MYT1: variants seen among roughly 807,000 people sequenced by gnomAD.
MYT1 encodes the protein myelin transcription factor 1.
A neutral mutation model predicts 123.0 loss-of-function variants in MYT1; 23 were observed. The ratio of observed to expected loss-of-function variants is 0.19; its 90% confidence interval spans 0.13 to 0.26. The LOEUF (loss-of-function observed/expected upper bound fraction) is 0.26, where lower values mean the gene tolerates loss of function less well. Among genes scored for constraint, MYT1 ranks in the 10% least tolerant of loss-of-function variants. The probability of loss-of-function intolerance (pLI) is 1.00; values close to 1 mark genes in which losing one functional copy is unlikely to be tolerated. For missense variants in MYT1, 1,125 were observed against 1,472.5 expected, an observed-to-expected ratio of 0.76 and a Z score of 3.86; for synonymous variants, 518 against 575.3, an observed-to-expected ratio of 0.90 and a Z score of 1.43.
rs533693872 is a variant in MYT1 at position 64,233,510 on chromosome 20, C to T, written c.2897+1125C>T. On this transcript the variant is annotated intron_variant, in intron 19 of 22. Transcript: ENST00000328439. ...CTTCCCCTCCCCTCCCTTTTCCCTT[C>T]CTTCCTCCATCTACAAGATTAATTA... Among the ~76,000 whole-genome samples, 70 of 99,646 alleles carry T rather than the reference C, an allele frequency of 7.0e-4. 1 individual carries two copies. The highest frequency in any genetic ancestry group is 1.3e-3 in the Non-Finnish European group (64 of 50,894). The allele number at this position is 99,646 out of a possible 152,430, so 65.4% of individuals were successfully genotyped here. A position where few individuals can be genotyped will look rare whatever the true frequency, so the allele number is the denominator to read the frequency against.
At position 64,241,527 on chromosome 20, in the gene MYT1, T is replaced by C. The variant is rs1300811979; in HGVS notation, c.*1079T>C. The C allele has an allele frequency of 1.3e-5, 2 of 152,596 alleles. No individual in the cohort carries two copies. The highest frequency in any genetic ancestry group is 2.9e-5 in the Non-Finnish European group (2 of 68,034). 9.5% of individuals were successfully genotyped at this position (152,596 alleles called of 1,614,324 possible). On this transcript the variant is annotated 3_prime_UTR_variant, in exon 23 of 23. Transcript: ENST00000328439. This position sits in a 1 kb window ranked among gnomAD's most constrained non-coding sequence, Gnocchi z 4.2. ...GCACTTCCTGGAAAAAATTAAAAAG[T>C]AGTTAGTTTAATTATTCTGTAAATT...
chr20:64,212,115 C>G lies in MYT1; in HGVS notation c.1494C>G (p.Asn498Lys). The G allele has an allele frequency of 6.2e-7, 1 of 1,613,114 alleles. No homozygotes were observed. The highest frequency in any genetic ancestry group is 8.5e-7 in the Non-Finnish European group (1 of 1,179,650). Residue 498 changes from asparagine to lysine, a missense_variant, in exon 9 of 23, where the codon AAC becomes AAG. This residue lies in a region of MYT1 where 429 missense variants were observed against 604.1 expected (regional missense o/e 0.71). Transcript: ENST00000328439. This position sits in a 1 kb window ranked among gnomAD's most constrained non-coding sequence, Gnocchi z 6.8. Reference protein sequence around the residue: ...TPGCTGQGHVNSNRNTHRSLS... With the variant: ...TPGCTGQGHVKSNRNTHRSLS... ...GCTGCACAGGCCAGGGTCACGTGAA[C>G]AGCAACCGCAACACGCACAGAAGGT...
intron 1 of MYT1, among the ~76,000 whole-genome samples, chr20:64,170,735 T>A (rs915161717): frequency 1.3e-5 from 2 of 150,530 alleles, no homozygotes; most frequent in African/African-American, 4.9e-5. Flanking sequence ...CCACGAAGGC[T>A]GTGCCCAACC....
intron 1 of MYT1, among the ~76,000 whole-genome samples, chr20:64,187,088 C>T (rs1184239560): frequency 8.0e-5 from 12 of 150,016 alleles, no homozygotes; most frequent in East Asian, 2.0e-4. Context: ...CCCGTGGCCC[C>T]GGCATCCATG....
rs1982776441 is a variant in MYT1 at position 64,185,591 on chromosome 20, G to C, written c.-98-4472G>C. 6.6e-6 allele frequency among the ~76,000 whole-genome samples: 1 copy of C among 152,224 alleles called. No individual in the cohort carries two copies. Among genetic ancestry groups the C allele is most frequent in the South Asian group, 2.1e-4 (1 of 4,826 alleles). ...GAAGGGGGTCAGGTTGCCAGGGCTG[G>C]AGTGGATCAGAGCTAACTGCCACAG... On this transcript the variant is annotated intron_variant, in intron 1 of 22. Transcript: ENST00000328439. This position sits in a 1 kb window ranked among gnomAD's most constrained non-coding sequence, Gnocchi z 4.5.
At chr20:64,217,311 C>T in intron 11 of MYT1, 30 bp downstream of exon 11, 1 of 1,609,928 alleles carries the variant, frequency 6.2e-7, no homozygotes, top group Non-Finnish European at 8.5e-7. Context: ...TCTTGTTTCT[C>T]TTCTGTGTTG....
chr20:64,218,961 A>G lies in MYT1; in HGVS notation c.1897A>G (p.Ile633Val). Residue 633 changes from isoleucine (I) to valine (V), a missense_variant, in exon 12 of 23, where the codon ATC (isoleucine) becomes GTC (valine). Around this residue, in one of 4 missense-constraint regions of MYT1, gnomAD observed 429 missense variants for 604.1 expected, o/e 0.71. Coordinates refer to ENST00000328439, the MANE Select transcript of MYT1 (RefSeq NM_004535.3). The surrounding 1 kb of genome is among the most constrained non-coding windows in gnomAD (Gnocchi z 4.0). ...AEAAHMAATA[I>V]LNLSTRCWEM... ...GGCTGCACACATGGCTGCCACTGCC[A>G]TCCTGAACCTCTCCACGCGCTGCTG... 6.2e-7 allele frequency: 1 copy of G among 1,613,758 alleles called. No individual in the cohort carries two copies. Among genetic ancestry groups the G allele is most frequent in the Non-Finnish European group, 8.5e-7 (1 of 1,180,034 alleles).
chr20:64,199,785 G>A (rs1387788678), intron 3 of MYT1, 107 bp from the exon 4 acceptor site: 9 of 1,339,614 alleles, frequency 6.7e-6, no homozygotes, highest in Admixed American at 1.7e-5. Context: ...GCCTCCACTC[G>A]TCCTTGGCAA....
At position 64,239,813 on chromosome 20, in the gene MYT1, T is replaced by C. The variant is rs1984659394; in HGVS notation, c.3147T>C (p.Ile1049=). ...ACATCGAGGAGGAGAACAAGCTCAT[T>C]GAGGAGCAGAATGAAGCCCTGTTTC... The part of the protein sequence containing the change: ...LKNIEEENKL[I]EEQNEALFLE... The change falls in exon 22 of 23, where the codon ATT becomes ATC. Residue 1049 remains isoleucine (I), a synonymous_variant. Transcript: ENST00000328439. 6.2e-7 allele frequency: 1 copy of C among 1,613,924 alleles called. No homozygotes were observed. Among genetic ancestry groups the C allele is most frequent in the Non-Finnish European group, 8.5e-7 (1 of 1,179,996 alleles).
rs539596060 is a variant in MYT1, at chr20:64,185,864, T to C, written c.-98-4199T>C. Among the ~76,000 whole-genome samples, 1 of 152,088 alleles carries C rather than the reference T, an allele frequency of 6.6e-6. No individual in the cohort carries two copies. The highest frequency in any genetic ancestry group is 6.5e-5 in the Admixed American group (1 of 15,282). On this transcript the variant is annotated intron_variant, in intron 1 of 22. Coordinates refer to ENST00000328439, the MANE Select transcript of MYT1 (RefSeq NM_004535.3). This position sits in a 1 kb window ranked among gnomAD's most constrained non-coding sequence, Gnocchi z 4.5. ...TTGCCATGACGACAGAAGGAAACCT[T>C]GGGGTAGGCCAGCAGCACTTCCTGG...
chr20:64,198,787 G>T (rs1227065088), intron 2 of MYT1, 75 bp from the exon 3 acceptor site: 46 of 1,525,652 alleles, frequency 3.0e-5, no homozygotes, highest in Non-Finnish European at 3.9e-5. Context: ...AAAATGGCCA[G>T]ACATTCCTGA....
In MYT1 at chr20:64,226,861, G is replaced by A. The variant is rs576284711; in HGVS notation, c.2529-554G>A. Among the ~76,000 whole-genome samples the A allele has an allele frequency of 1.0e-4, 16 of 152,384 alleles. No individual in the cohort carries two copies. The South Asian group carries it at 1.7e-3, about 16-fold the overall frequency. On this transcript the variant is annotated intron_variant, in intron 16 of 22. Transcript: ENST00000328439. ...ACAACAGCCAGGCCTGGCATGGCCA[G>A]CGCCATCTGCTCTGCAGCAGGTGTG...
At chr20:64,217,023 C>T (rs1983857091) in intron 10 of MYT1, 44 bp from the exon 11 acceptor site, 6 of 1,570,264 alleles carry the variant, frequency 3.8e-6, no homozygotes, top group African/African-American at 1.4e-5. Flanking sequence ...ACGGGATCCC[C>T]AGGTCCCATC....
In MYT1 at chr20:64,213,043, G is replaced by A. The variant is rs1270784045; in HGVS notation, c.1518-491G>A. Among the ~76,000 whole-genome samples, 1 of 152,172 alleles carries A rather than the reference G, an allele frequency of 6.6e-6. No individual in the cohort carries two copies. Among genetic ancestry groups the A allele is most frequent in the Non-Finnish European group, 1.5e-5 (1 of 68,032 alleles). On this transcript the variant is annotated intron_variant, in intron 9 of 22. Coordinates refer to ENST00000328439, the MANE Select transcript of MYT1 (RefSeq NM_004535.3). The surrounding 1 kb of genome is among the most constrained non-coding windows in gnomAD (Gnocchi z 5.6). The stretch of plus-strand genomic sequence containing the variant: ...CTGCTGCCTCCGTGTCTTAGACTGA[G>A]TACTTTCCTGGGCCTGTGTCATCCA...
chr20:64,192,167 G>A lies in MYT1; in HGVS notation c.-1+2007G>A, dbSNP rs576905834. On this transcript the variant is annotated intron_variant, in intron 2 of 22. Coordinates refer to ENST00000328439, the MANE Select transcript of MYT1 (RefSeq NM_004535.3). The surrounding 1 kb of genome is among the most constrained non-coding windows in gnomAD (Gnocchi z 5.3). ...CTTCTGTGAACAAAGCCAGGGACCC[G>A]TGCCCAGGTTCTCGTGGCATCACCA... Among the ~76,000 whole-genome samples, 15 of 152,204 alleles carry A rather than the reference G, an allele frequency of 9.9e-5. No individual in the cohort carries two copies. The highest frequency in any genetic ancestry group is 3.4e-4 in the African/African-American group (14 of 41,440).
rs552146817 is a variant in MYT1 at position 64,212,019 on chromosome 20, G to A, written c.1427-29G>A. Reference sequence around the variant, plus strand: ...GCTCCCCAGATTCTCTGACAGCCTCGGCTCCCTCCACCCCCTGTTCTCTTA... The same window carrying A: ...GCTCCCCAGATTCTCTGACAGCCTCAGCTCCCTCCACCCCCTGTTCTCTTA... On this transcript the variant is annotated intron_variant, in intron 8 of 22. Coordinates refer to ENST00000328439, the MANE Select transcript of MYT1 (RefSeq NM_004535.3). The surrounding 1 kb of genome is among the most constrained non-coding windows in gnomAD (Gnocchi z 6.8). 6 of 1,589,692 alleles carry A rather than the reference G, an allele frequency of 3.8e-6. No homozygotes were observed. Among genetic ancestry groups the A allele is most frequent in the East Asian group, 4.5e-5 (2 of 44,580 alleles).
rs1983351936 is a variant in MYT1, at chr20:64,202,407, C to T, written c.86+2485C>T. Among the ~76,000 whole-genome samples, 1 of 152,174 alleles carries T rather than the reference C, an allele frequency of 6.6e-6. No individual in the cohort carries two copies. Among genetic ancestry groups the T allele is most frequent in the African/African-American group, 2.4e-5 (1 of 41,438 alleles). On this transcript the variant is annotated intron_variant, in intron 4 of 22. Coordinates refer to ENST00000328439, the MANE Select transcript of MYT1 (RefSeq NM_004535.3). The surrounding 1 kb of genome is among the most constrained non-coding windows in gnomAD (Gnocchi z 5.0). Reference sequence around the variant, plus strand: ...GTCACATGGCCTCAGACTGGCTCTGCCAGAGGCGAAGACTAGGGAAGGTTA... The same window carrying T: ...GTCACATGGCCTCAGACTGGCTCTGTCAGAGGCGAAGACTAGGGAAGGTTA...
rs1247897715 is a variant in MYT1 at position 64,168,727 on chromosome 20, G to A, written c.-99+3988G>A. Among the ~76,000 whole-genome samples, 2 of 152,218 alleles carry A rather than the reference G, an allele frequency of 1.3e-5. No homozygotes were observed. The highest frequency in any genetic ancestry group is 1.3e-4 in the Admixed American group (2 of 15,280). ...TTGGATATGTTCCCTGTGCCTTGGG[G>A]TTTATTTGGGACTGTGGCCTGGGAG... On this transcript the variant is annotated intron_variant, in intron 1 of 22. Transcript: ENST00000328439. This position sits in a 1 kb window ranked among gnomAD's most constrained non-coding sequence, Gnocchi z 6.1.
At chr20:64,227,536 T>C (rs1417912660) in intron 17 of MYT1, 59 bp downstream of exon 17, 1 of 1,467,816 alleles carries the variant, frequency 6.8e-7, no homozygotes, top group Non-Finnish European at 9.4e-7. Context: ...GTCTCTTCCT[T>C]ATATGAAGAT....
Sources: allele counts gnomAD v4.1 joint callset (sites outside exome capture counted in the v4.1 genomes callset), GRCh38; gene constraint gnomAD v4.1.1; regional missense constraint gnomAD v4.1.1; non-coding constraint Gnocchi (gnomAD v3.1); transcripts MANE v1.5; gene names NCBI Gene and HGNC (gene_info 2026-07-23, HGNC 2026-07-21).